CAGE1: variants seen among roughly 807,000 people sequenced by gnomAD.
CAGE1 encodes cancer-associated gene 1 protein.
Under a neutral mutation model 94.9 loss-of-function variants are expected in CAGE1, and 66 were observed. That is an observed-to-expected ratio of 0.70 (90% CI 0.57 to 0.85). CAGE1 has a LOEUF of 0.85. Ranked by LOEUF, CAGE1 falls within the 40% of genes least tolerant of loss-of-function variation. The probability of loss-of-function intolerance (pLI) is 0.00; values close to 1 mark genes in which losing one functional copy is unlikely to be tolerated. For missense variants in CAGE1, 865 were observed against 950.4 expected, an observed-to-expected ratio of 0.91 and a Z score of 1.18; for synonymous variants, 319 against 321.0, an observed-to-expected ratio of 0.99 and a Z score of 0.07.
At chr6:7,344,922 C>T (rs1759371411) in intron 11 of CAGE1, among the ~76,000 whole-genome samples, 1 of 152,102 alleles carries the variant, frequency 6.6e-6, no homozygotes, top group African/African-American at 2.4e-5. Flanking sequence ...AACCTTTGCG[C>T]CTAGCTCAGG....
At chr6:7,377,746 A>T (rs1760805066) in intron 4 of CAGE1, among the ~76,000 whole-genome samples, 1 of 152,172 alleles carries the variant, frequency 6.6e-6, no homozygotes, top group Non-Finnish European at 1.5e-5. Context: ...CAAAAACAAA[A>T]CAAAACAACA....
intron 5 of CAGE1, 65 bp downstream of exon 5, chr6:7,373,008 C>A (rs954709068): frequency 6.3e-6 from 7 of 1,119,886 alleles, no homozygotes; most frequent in Non-Finnish European, 8.9e-6. Flanking sequence ...CGTCTAAATA[C>A]GCATCACTAG....
rs1420078531 is a variant in CAGE1, at chr6:7,334,035, C to T, written c.2425G>A (p.Ala809Thr). 6.5e-7 allele frequency: 1 copy of T among 1,531,602 alleles called. No homozygotes were observed. 94.9% of individuals were successfully genotyped at this position (1,531,602 alleles called of 1,614,324 possible). A position where few individuals can be genotyped will look rare whatever the true frequency, so the allele number is the denominator to read the frequency against. Residue 809 changes from alanine (A) to threonine (T), a missense_variant, in exon 12 of 14, where the codon GCC becomes ACC. Transcript: ENST00000502583. ...EDLIRKPREK[A>T]RKPRSKSLEN... ...AGGGAAACTTACCTTGGTTTTCTGG[C>T]TTTTTCTCTGGGCTTTCTAATTAAA... is the stretch of plus-strand genomic sequence containing the variant.
rs1052909355 is a variant in CAGE1 at position 7,365,803 on chromosome 6, C to A, written c.2085+1G>T. 1 of 1,496,970 alleles carries A rather than the reference C, an allele frequency of 6.7e-7. No homozygotes were observed. Among genetic ancestry groups the A allele is most frequent in the South Asian group, 1.2e-5 (1 of 81,092 alleles). 92.7% of individuals were successfully genotyped at this position (1,496,970 alleles called of 1,614,324 possible). On this transcript the variant is annotated splice_donor_variant, in intron 8 of 13. Transcript: ENST00000502583. LOFTEE classifies it high-confidence loss of function. ...TAGTACGTAGTAAATATTAAGCTCA[C>A]CTTAATAGCATGATCTTGAAATGCT...
chr6:7,376,205 C>T (rs1196134105), intron 4 of CAGE1, among the ~76,000 whole-genome samples: 3 of 151,540 alleles, frequency 2.0e-5, no homozygotes, highest in African/African-American at 7.3e-5. Flanking sequence ...CTGGCTAACA[C>T]TGTGAAACCC....
intron 11 of CAGE1, among the ~76,000 whole-genome samples, chr6:7,349,014 T>C (rs1759669711): frequency 6.6e-6 from 1 of 152,198 alleles, no homozygotes; most frequent in African/African-American, 2.4e-5. Context: ...AAAACTTCCC[T>C]GGCCTTGCAA....
intron 11 of CAGE1, among the ~76,000 whole-genome samples, chr6:7,338,293 T>C (rs2113358339): frequency 6.6e-6 from 1 of 152,292 alleles, no homozygotes; most frequent in East Asian, 1.9e-4. Context: ...GAACTTCCAG[T>C]ACAATGTGAA....
chr6:7,354,147 C>A lies in CAGE1; in HGVS notation c.2369+894G>T, dbSNP rs986636876. Among the ~76,000 whole-genome samples the A allele has an allele frequency of 5.1e-4, 78 of 151,982 alleles. 1 individual carries two copies. The highest frequency in any genetic ancestry group is 1.8e-3 in the African/African-American group (75 of 41,480). On this transcript the variant is annotated intron_variant, in intron 11 of 13. Transcript: ENST00000502583. The stretch of plus-strand genomic sequence containing the variant: ...AATAACTGAGGCAAAGCAATATCAG[C>A]AAAATGATAGTTTGATATTATTTTT...
intron 9 of CAGE1, among the ~76,000 whole-genome samples, chr6:7,359,364 A>T (rs1760094764): frequency 6.6e-6 from 1 of 152,124 alleles, no homozygotes. Context: ...TATCTTAAAG[A>T]TGTTAAGTAT....
At chr6:7,380,104 T>G (rs1304560750) in intron 3 of CAGE1, among the ~76,000 whole-genome samples, 2 of 152,164 alleles carry the variant, frequency 1.3e-5, no homozygotes, top group Non-Finnish European at 2.9e-5. Flanking sequence ...GGGACTTGCT[T>G]TTTATTATAG....
At chr6:7,342,814 G>C (rs1759235371) in intron 11 of CAGE1, among the ~76,000 whole-genome samples, 1 of 152,144 alleles carries the variant, frequency 6.6e-6, no homozygotes, top group Non-Finnish European at 1.5e-5. Flanking sequence ...ATCTTGAGTT[G>C]ATTTTTGTAT....
intron 11 of CAGE1, chr6:7,341,925 G>A (rs527307626): frequency 6.2e-5 from 44 of 708,990 alleles, no homozygotes; most frequent in Middle Eastern, 4.9e-4. Flanking sequence ...CCTCAATGCC[G>A]TTCGTGTCAC....
chr6:7,329,653 C>A (rs1483986499), intron 13 of CAGE1, among the ~76,000 whole-genome samples, 196 bp downstream of exon 13: 1 of 152,042 alleles, frequency 6.6e-6, no homozygotes, highest in South Asian at 2.1e-4. Context: ...AGGAGCCCTA[C>A]AAGATTAGAG....
chr6:7,346,410 A>G (rs1177535116), intron 11 of CAGE1, among the ~76,000 whole-genome samples: 1 of 151,798 alleles, frequency 6.6e-6, no homozygotes, highest in Non-Finnish European at 1.5e-5. Flanking sequence ...AAAGTCACGC[A>G]TGGTGGTGCA....
intron 9 of CAGE1, among the ~76,000 whole-genome samples, chr6:7,356,907 C>T (rs937193494): frequency 5.3e-5 from 8 of 152,174 alleles, no homozygotes; most frequent in Admixed American, 3.3e-4. Context: ...AGCAATTCTC[C>T]TGCCTCAGCC....
At chr6:7,342,114 G>T in intron 11 of CAGE1, 1 of 977,588 alleles carries the variant, frequency 1.0e-6, no homozygotes, top group Non-Finnish European at 1.7e-6. Flanking sequence ...ATAGGTCACG[G>T]CTGATGAAGG....
chr6:7,368,598 T>A lies in CAGE1; in HGVS notation c.2004+90A>T. The A allele has an allele frequency of 1.1e-5, 7 of 645,336 alleles. No individual in the cohort carries two copies. In the South Asian group the frequency reaches 2.0e-4, roughly 18 times the overall value. 40.0% of individuals were successfully genotyped at this position (645,336 alleles called of 1,614,324 possible). A position where few individuals can be genotyped will look rare whatever the true frequency, so the allele number is the denominator to read the frequency against. On this transcript the variant is annotated intron_variant, in intron 7 of 13. Transcript: ENST00000502583. Reference sequence around the variant, plus strand: ...TCCCCCAAAATAATTTTTAAAATGATTCCAACTTTAAGAGTTACTTCTTCA... The same window carrying A: ...TCCCCCAAAATAATTTTTAAAATGAATCCAACTTTAAGAGTTACTTCTTCA...
rs947261912 is a variant in CAGE1, at chr6:7,340,929, C to G, written c.2370-6839G>C. 3 of 413,494 alleles carry G rather than the reference C, an allele frequency of 7.3e-6. No individual in the cohort carries two copies. The Admixed American group carries it at 8.6e-5, about 12-fold the overall frequency. The allele number at this position is 413,494 out of a possible 1,614,324, so 25.6% of individuals were successfully genotyped here. A position where few individuals can be genotyped will look rare whatever the true frequency, so the allele number is the denominator to read the frequency against. Reference sequence around the variant, plus strand: ...CTCGTCTGCAAAGATGAGGTGGAACCGGCCTGGCTCCTTATACATACAGGC... The same window carrying G: ...CTCGTCTGCAAAGATGAGGTGGAACGGGCCTGGCTCCTTATACATACAGGC... On this transcript the variant is annotated intron_variant, in intron 11 of 13. Transcript: ENST00000502583.
chr6:7,333,022 C>A (rs942959278), intron 12 of CAGE1, among the ~76,000 whole-genome samples: 2 of 152,092 alleles, frequency 1.3e-5, no homozygotes, highest in African/African-American at 4.8e-5. Context: ...ACGATCTCAG[C>A]TCACTGCAAC....
Sources: allele counts gnomAD v4.1 joint callset (sites outside exome capture counted in the v4.1 genomes callset), GRCh38; gene constraint gnomAD v4.1.1; transcripts MANE v1.5; gene names NCBI Gene and HGNC (gene_info 2026-07-23, HGNC 2026-07-21).